ATG7: variants seen among roughly 807,000 people sequenced by gnomAD.
The protein encoded by ATG7 is ubiquitin-like modifier-activating enzyme ATG7.
A neutral mutation model predicts 82.4 loss-of-function variants in ATG7; 70 were observed. The ratio of observed to expected loss-of-function variants is 0.85; its 90% CI spans 0.70 to 1.04. ATG7 has a LOEUF of 1.04. ATG7 is among the 50% of genes least tolerant of loss of function. The probability of loss-of-function intolerance (pLI) is 0.00; values close to 1 mark genes in which losing one functional copy is unlikely to be tolerated. For missense variants in ATG7, 792 were observed against 864.3 expected (o/e 0.92, Z 1.05); for synonymous variants, 287 against 313.0 (o/e 0.92, Z 0.88).
At chr3:11,533,593 C>G (rs1270550619) in intron 20 of ATG7, among the ~76,000 whole-genome samples, 1 of 147,892 alleles carries the variant, frequency 6.8e-6, no homozygotes, top group Non-Finnish European at 1.5e-5. Context: ...AAACTCTTCT[C>G]TGAAATCTTC....
At chr3:11,389,416 A>T (rs1009869253) in intron 19 of ATG7, among the ~76,000 whole-genome samples, 1 of 143,018 alleles carries the variant, frequency 7.0e-6, no homozygotes, top group Non-Finnish European at 1.5e-5. Context: ...TAATTCTTTC[A>T]TTATGAAAGT....
intron 16 of ATG7, among the ~76,000 whole-genome samples, chr3:11,361,224 A>C (rs2076260606): frequency 6.6e-6 from 1 of 152,078 alleles, no homozygotes; most frequent in South Asian, 2.1e-4. Context: ...TAGGCTTGTC[A>C]GATTTAGTAA....
intron 20 of ATG7, among the ~76,000 whole-genome samples, chr3:11,447,548 C>A (rs1477003514): frequency 6.6e-6 from 1 of 151,994 alleles, no homozygotes; most frequent in African/African-American, 2.4e-5. Context: ...TAGATGGGGG[C>A]ATTTAGTGTC....
At chr3:11,302,906 A>T (rs1455021621) in intron 5 of ATG7, among the ~76,000 whole-genome samples, 4 of 152,222 alleles carry the variant, frequency 2.6e-5, no homozygotes, top group African/African-American at 9.6e-5. Flanking sequence ...TCAGGCACCA[A>T]CTGTCTTAAA....
intron 3 of ATG7, among the ~76,000 whole-genome samples, chr3:11,293,497 C>A (rs1413138833): frequency 6.9e-6 from 1 of 144,722 alleles, no homozygotes; most frequent in Non-Finnish European, 1.5e-5. Context: ...TGCCACTACA[C>A]TCCAGCCTGG....
chr3:11,439,069 C>CTT (rs67206280), intron 20 of ATG7, among the ~76,000 whole-genome samples: 2,042 of 121,918 alleles, frequency 0.017, 84 homozygotes, highest in African/African-American at 0.026. Flanking sequence ...TTCTTTCTTT[C>CTT]TTTTTTTTTT....
chr3:11,454,855 A>G (rs1314751925), intron 20 of ATG7, among the ~76,000 whole-genome samples: 1 of 152,230 alleles, frequency 6.6e-6, no homozygotes, highest in Non-Finnish European at 1.5e-5. Flanking sequence ...ATACAGATAT[A>G]GAACACTTCC....
downstream of ATG7, chr3:11,558,530 A>G: frequency 6.6e-7 from 1 of 1,503,972 alleles, no homozygotes; most frequent in African/African-American, 1.5e-5. Context: ...ATGCAGATCC[A>G]CGTGTTGTTG....
intron 20 of ATG7, among the ~76,000 whole-genome samples, chr3:11,551,463 G>C (rs1215802522): frequency 2.0e-5 from 3 of 152,242 alleles, no homozygotes; most frequent in African/African-American, 7.2e-5. Context: ...ATCTACTCCA[G>C]TTTACGTCTT....
intron 19 of ATG7, among the ~76,000 whole-genome samples, chr3:11,421,474 A>G (rs75634077): frequency 0.061 from 9,280 of 152,240 alleles, 300 homozygotes; most frequent in African/African-American, 0.081. Context: ...GCAACTCCTC[A>G]TCTGTTCAAG....
chr3:11,424,169 G>C (rs1358872973), intron 19 of ATG7, among the ~76,000 whole-genome samples: 1 of 152,112 alleles, frequency 6.6e-6, no homozygotes, highest in African/African-American at 2.4e-5. Context: ...GCCCCTGGGG[G>C]AGAGCTGCCC....
At chr3:11,285,546 A>G (rs1277139081) in intron 3 of ATG7, among the ~76,000 whole-genome samples, 1 of 152,040 alleles carries the variant, frequency 6.6e-6, no homozygotes, top group African/African-American at 2.4e-5. Flanking sequence ...GTGGCTTTTT[A>G]CATAGGTATA....
At chr3:11,382,910 G>A (rs930599118) in intron 19 of ATG7, among the ~76,000 whole-genome samples, 4 of 152,128 alleles carry the variant, frequency 2.6e-5, no homozygotes, top group Non-Finnish European at 5.9e-5. Flanking sequence ...TATATTTGCT[G>A]TCGTCCTCCA....
intron 1 of ATG7, among the ~76,000 whole-genome samples, chr3:11,275,332 C>A (rs946596788): frequency 3.3e-5 from 5 of 150,648 alleles, no homozygotes; most frequent in Non-Finnish European, 5.9e-5. Context: ...TCGCTAATGT[C>A]TTCCTCTCCT....
rs1343071634 is a variant in ATG7 at position 11,335,246 on chromosome 3, GC to G, written c.889+2154del. ...GCTCCTGTGTAATGTTAACTTACAT[GC>G]TATACCTTTGTTTTATTAAACCACA... On this transcript the variant is annotated intron_variant, in intron 11 of 20. Transcript: ENST00000693202. 7.7e-4 allele frequency among the ~76,000 whole-genome samples: 117 copies of G among 152,168 alleles called. 1 individual carries two copies. Among genetic ancestry groups the G allele is most frequent in the Middle Eastern group, 6.8e-3 (2 of 294 alleles).
intron 20 of ATG7, among the ~76,000 whole-genome samples, chr3:11,530,006 T>C (rs558232300): frequency 1.3e-5 from 2 of 152,284 alleles, no homozygotes; most frequent in East Asian, 1.9e-4. Context: ...AGTGCATGTA[T>C]GTGTTTTGGA....
Position 11,272,938 on chromosome 3 carries a change from A to G in ATG7, c.-366+508A>G, listed in dbSNP as rs1200320819. On this transcript the variant is annotated intron_variant, in intron 1 of 20. Coordinates refer to ENST00000693202, the MANE Select transcript of ATG7 (RefSeq NM_001349232.2). ...CGATTCCTTGGTTACAGGGTTAGAAACTAATGCACAATAAGAATCAATCCG... is the reference window on the plus strand; with the variant it reads ...CGATTCCTTGGTTACAGGGTTAGAAGCTAATGCACAATAAGAATCAATCCG... 2.6e-5 allele frequency among the ~76,000 whole-genome samples: 4 copies of G among 152,260 alleles called. No homozygotes were observed. In the East Asian group the frequency reaches 7.7e-4, roughly 29 times the overall value.
At chr3:11,567,613 G>C in the ATG7 span, among the ~76,000 whole-genome samples, 1 of 152,300 alleles carries the variant, frequency 6.6e-6, no homozygotes, top group South Asian at 2.1e-4. Flanking sequence ...TGGCGATTCA[G>C]AAGACAGCAC....
intron 18 of ATG7, among the ~76,000 whole-genome samples, chr3:11,373,786 G>T (rs1403267284): frequency 6.6e-6 from 1 of 152,180 alleles, no homozygotes; most frequent in Non-Finnish European, 1.5e-5. Context: ...GCATATGTAA[G>T]TAAGGTGCAA....
Sources: allele counts gnomAD v4.1 joint callset (sites outside exome capture counted in the v4.1 genomes callset), GRCh38; gene constraint gnomAD v4.1.1; transcripts MANE v1.5; gene names NCBI Gene and HGNC (gene_info 2026-07-23, HGNC 2026-07-21).